Variants in MYL1 observed in about 807,000 individuals in gnomAD.
MYL1 encodes myosin light chain 1, also known as myosin light chain 1/3, skeletal muscle isoform.
MYL1 carries 16 observed loss-of-function variants against 21.8 expected under a neutral mutation model. That is an observed-to-expected ratio of 0.74 (90% confidence interval 0.50 to 1.12). The LOEUF is 1.12. Among genes scored for constraint, MYL1 ranks in the 50% most tolerant of loss-of-function variants. The pLI is 0.00. For synonymous variants in MYL1, 99 were observed against 85.2 expected (o/e 1.16, Z -0.89); for missense variants, 246 against 241.0 (o/e 1.02, Z -0.14).
intron 3 of MYL1, among the ~76,000 whole-genome samples, chr2:210,295,177 AT>A (rs1268082011): frequency 2.0e-5 from 3 of 152,050 alleles, no homozygotes; most frequent in African/African-American, 7.2e-5. Context: ...ACCAAATCAA[AT>A]TTTTTTTACT....
intron 1 of MYL1, among the ~76,000 whole-genome samples, chr2:210,305,803 G>T (rs112102874): frequency 0.053 from 8,048 of 152,190 alleles, 709 homozygotes; most frequent in African/African-American, 0.18. Context: ...GCTCATGCCT[G>T]TAATCCTAGC....
chr2:210,302,516 C>A lies in MYL1; in HGVS notation c.133-1G>T, dbSNP rs1424707471. 4 of 1,609,586 alleles carry A rather than the reference C, an allele frequency of 2.5e-6. No homozygotes were observed. The Admixed American group carries it at 6.8e-5, about 27-fold the overall frequency. ...CCTGCTGTTCCTTAGAGAACTCGAT[C>A]TGTTAGAAAGAAATTGACCACAAAG... On this transcript the variant is annotated splice_acceptor_variant, in intron 1 of 6. Transcript: ENST00000352451. LOFTEE classifies it high-confidence loss of function.
intron 1 of MYL1, among the ~76,000 whole-genome samples, chr2:210,309,400 A>C (rs1690385230): frequency 6.6e-6 from 1 of 152,054 alleles, no homozygotes; most frequent in Non-Finnish European, 1.5e-5. Context: ...AAAGTTGATA[A>C]GATGTAGTTA....
chr2:210,304,870 G>T (rs910400831), intron 1 of MYL1, among the ~76,000 whole-genome samples: 1 of 152,184 alleles, frequency 6.6e-6, no homozygotes, highest in Non-Finnish European at 1.5e-5. Flanking sequence ...GTATCTAGGG[G>T]ATTGGCCAGC....
intron 1 of MYL1, among the ~76,000 whole-genome samples, chr2:210,312,178 G>T (rs1397587377): frequency 6.6e-6 from 1 of 151,806 alleles, no homozygotes; most frequent in African/African-American, 2.4e-5. Context: ...ATACTATGGA[G>T]AAATTAAATT....
chr2:210,308,075 C>G lies in MYL1; in HGVS notation c.133-5560G>C, dbSNP rs1227990563. Among the ~76,000 whole-genome samples, 4 of 151,792 alleles carry G rather than the reference C, an allele frequency of 2.6e-5. No homozygotes were observed. In the South Asian group the frequency reaches 8.3e-4, roughly 32 times the overall value. On this transcript the variant is annotated intron_variant, in intron 1 of 6. Transcript: ENST00000352451. ...ACATTCTTCAAAGAACTTGATGGTC[C>G]TTGCAACATACAATGGGGATTAATG...
intron 1 of MYL1, chr2:210,303,763 G>A: frequency 2.2e-6 from 1 of 447,560 alleles, no homozygotes; most frequent in Non-Finnish European, 3.8e-6. Context: ...TGTACCCTGA[G>A]AGCTATTTTT....
intron 4 of MYL1, 101 bp from the exon 5 acceptor site, chr2:210,293,901 A>C (rs1690125419): frequency 1.0e-6 from 1 of 980,590 alleles, no homozygotes; most frequent in African/African-American, 1.6e-5. Flanking sequence ...AACTCTTGAC[A>C]TATAGGAACT....
intron 3 of MYL1, among the ~76,000 whole-genome samples, chr2:210,296,585 G>A (rs969345409): frequency 6.6e-6 from 1 of 152,072 alleles, no homozygotes; most frequent in African/African-American, 2.4e-5. Context: ...AGGAGTTCGA[G>A]ACCAGCCTGG....
At chr2:210,295,826 G>GAA (rs753119896) in intron 3 of MYL1, among the ~76,000 whole-genome samples, 19 of 69,804 alleles carry the variant, frequency 2.7e-4, no homozygotes, top group East Asian at 2.3e-3. Context: ...CCCTGCCTCA[G>GAA]AAAAAAAAAA....
In MYL1 at chr2:210,306,821, G is replaced by A. The variant is rs534428336; in HGVS notation, c.133-4306C>T. On this transcript the variant is annotated intron_variant, in intron 1 of 6. Transcript: ENST00000352451. ...CAACCTCTGCCTCCCAGGTTCAAGCGATTCTTCTGTCTGGCTTACTTTTAT... is the reference window on the plus strand; with the variant it reads ...CAACCTCTGCCTCCCAGGTTCAAGCAATTCTTCTGTCTGGCTTACTTTTAT... 1.6e-4 allele frequency among the ~76,000 whole-genome samples: 24 copies of A among 151,816 alleles called. 1 individual carries two copies. Among genetic ancestry groups the A allele is most frequent in the African/African-American group, 4.6e-4 (19 of 41,384 alleles).
rs757725469 is a variant in MYL1, at chr2:210,291,034, T to C, written c.*12A>G. On this transcript the variant is annotated splice_region_variant and 3_prime_UTR_variant, in exon 6 of 7. Transcript: ENST00000352451. ...TTAAAGAGGGAACTGGTATATACCTTGAGAGCTCCATTCAGATAGACATGA... is the reference window on the plus strand; with the variant it reads ...TTAAAGAGGGAACTGGTATATACCTCGAGAGCTCCATTCAGATAGACATGA... The C allele has an allele frequency of 6.2e-7, 1 of 1,603,676 alleles. No individual in the cohort carries two copies. Among genetic ancestry groups the C allele is most frequent in the Non-Finnish European group, 8.5e-7 (1 of 1,172,044 alleles).
At chr2:210,308,959 C>T (rs567233622) in intron 1 of MYL1, among the ~76,000 whole-genome samples, 4 of 151,966 alleles carry the variant, frequency 2.6e-5, no homozygotes, top group South Asian at 2.1e-4. Context: ...CTTTTGTGAC[C>T]GCAGGGATAA....
intron 1 of MYL1, chr2:210,303,397 ACAAAACC>A: frequency 1.6e-6 from 1 of 623,288 alleles, no homozygotes; most frequent in East Asian, 3.4e-5. Context: ...ATGGATCTCA[ACAAAACC>A]CAAAAGTAGA....
At chr2:210,292,579 T>C (rs1690095595) in intron 5 of MYL1, among the ~76,000 whole-genome samples, 1 of 152,034 alleles carries the variant, frequency 6.6e-6, no homozygotes, top group Non-Finnish European at 1.5e-5. Context: ...TCTGGTTTGC[T>C]GTCTTTTGAC....
intron 3 of MYL1, among the ~76,000 whole-genome samples, chr2:210,296,991 T>TTG (rs36073440): frequency 0.46 from 65,644 of 142,946 alleles, 14,964 homozygotes; most frequent in East Asian, 0.51. Flanking sequence ...TAGTATTCCA[T>TTG]TGTGTGTGTG....
rs1483961981 is a variant in MYL1, at chr2:210,294,119, G to A, written c.478+126C>T. 22 of 1,045,842 alleles carry A rather than the reference G, an allele frequency of 2.1e-5. 1 individual carries two copies. The South Asian group carries it at 3.8e-4, about 18-fold the overall frequency. The allele number at this position is 1,045,842 out of a possible 1,614,324, so 64.8% of individuals were successfully genotyped here. A position where few individuals can be genotyped will look rare whatever the true frequency, so the allele number is the denominator to read the frequency against. On this transcript the variant is annotated intron_variant, in intron 4 of 6. Coordinates refer to ENST00000352451, the MANE Select transcript of MYL1 (RefSeq NM_079420.3). ...CCAATTGAAATGGTCATTAACTTTTGACTATTTTTTTTTCCCATTTTCCCT... is the reference window on the plus strand; with the variant it reads ...CCAATTGAAATGGTCATTAACTTTTAACTATTTTTTTTTCCCATTTTCCCT...
At chr2:210,303,777 T>C in intron 1 of MYL1, 2 of 415,980 alleles carry the variant, frequency 4.8e-6, no homozygotes, top group Non-Finnish European at 8.4e-6. Context: ...TATTTTTAGA[T>C]GACCAGAACC....
At chr2:210,313,982 T>A (rs535208400) in intron 1 of MYL1, among the ~76,000 whole-genome samples, 1 of 152,144 alleles carries the variant, frequency 6.6e-6, no homozygotes, top group East Asian at 1.9e-4. Context: ...TAGATAAAAA[T>A]TTTCAAGTTG....
Sources: allele counts gnomAD v4.1 joint callset (sites outside exome capture counted in the v4.1 genomes callset), GRCh38; gene constraint gnomAD v4.1.1; transcripts MANE v1.5; gene names NCBI Gene and HGNC (gene_info 2026-07-23, HGNC 2026-07-21).